Variants in CPEB4 observed in about 807,000 individuals in gnomAD.
CPEB4 encodes cytoplasmic polyadenylation element binding protein 4.
Under a neutral mutation model 72.5 loss-of-function variants are expected in CPEB4, and 12 were observed. That is an observed-to-expected ratio of 0.17 (90% CI 0.11 to 0.27). The LOEUF is 0.27. Ranked by LOEUF, CPEB4 falls within the 10% of genes least tolerant of loss-of-function variation. The probability of loss-of-function intolerance (pLI) is 1.00; values close to 1 mark genes in which losing one functional copy is unlikely to be tolerated. For synonymous variants in CPEB4, 302 were observed against 326.3 expected (o/e 0.93, Z 0.80); for missense variants, 614 against 908.5 (o/e 0.68, Z 4.17).
chr5:173,933,785 C>G (rs1757525261), intron 3 of CPEB4, among the ~76,000 whole-genome samples: 1 of 152,102 alleles, frequency 6.6e-6, no homozygotes, highest in Admixed American at 6.5e-5. Context: ...CTTCTTTGTC[C>G]CAGTTTCCTT....
intron 2 of CPEB4, among the ~76,000 whole-genome samples, chr5:173,917,413 A>G (rs183829337): frequency 6.6e-6 from 1 of 152,334 alleles, no homozygotes; most frequent in African/African-American, 2.4e-5. Context: ...GGGACATTTA[A>G]TGGGGCAGAT....
At chr5:173,896,336 T>G (rs528291455) in intron 1 of CPEB4, among the ~76,000 whole-genome samples, 3 of 152,364 alleles carry the variant, frequency 2.0e-5, no homozygotes, top group South Asian at 4.1e-4. Context: ...TAAAAGTATG[T>G]TTTACCATGA....
intron 2 of CPEB4, among the ~76,000 whole-genome samples, chr5:173,924,138 A>G (rs1757164150): frequency 6.6e-6 from 1 of 152,294 alleles, no homozygotes; most frequent in East Asian, 1.9e-4. Context: ...TCTTACAGAT[A>G]AGTGTTATTT....
chr5:173,932,720 CA>C (rs1054490385), intron 3 of CPEB4, among the ~76,000 whole-genome samples: 3 of 152,124 alleles, frequency 2.0e-5, no homozygotes, highest in Non-Finnish European at 4.4e-5. Context: ...AACTTGGTGA[CA>C]ATGAGAATGA....
At chr5:173,894,575 C>T in intron 1 of CPEB4, among the ~76,000 whole-genome samples, 1 of 143,900 alleles carries the variant, frequency 6.9e-6, no homozygotes, top group Middle Eastern at 3.5e-3. Flanking sequence ...GAGCTGAGAT[C>T]ATGCCACTGC....
At chr5:173,914,821 A>G (rs1013111688) in intron 2 of CPEB4, among the ~76,000 whole-genome samples, 1 of 152,220 alleles carries the variant, frequency 6.6e-6, no homozygotes, top group Non-Finnish European at 1.5e-5. Context: ...TATACCACTC[A>G]GAAAAAAAAA....
chr5:173,946,963 C>T (rs1347046081), intron 5 of CPEB4, among the ~76,000 whole-genome samples: 4 of 151,940 alleles, frequency 2.6e-5, no homozygotes, highest in African/African-American at 9.7e-5. Flanking sequence ...CTTTTTCCCC[C>T]CCAAGATAAG....
intron 1 of CPEB4, among the ~76,000 whole-genome samples, chr5:173,905,818 T>A (rs995413020): frequency 1.3e-5 from 2 of 152,142 alleles, no homozygotes; most frequent in East Asian, 3.9e-4. Flanking sequence ...ACAAGACATG[T>A]TAGGATATCA....
chr5:173,915,820 T>C (rs1756847632), intron 2 of CPEB4, among the ~76,000 whole-genome samples: 1 of 152,256 alleles, frequency 6.6e-6, no homozygotes, highest in Non-Finnish European at 1.5e-5. Context: ...TAAAACCACA[T>C]GCGAGTACAT....
rs936340644 is a variant in CPEB4, at chr5:173,926,476, C to T, written c.1208-5974C>T. 5.3e-5 allele frequency among the ~76,000 whole-genome samples: 8 copies of T among 152,166 alleles called. No homozygotes were observed. The South Asian group carries it at 6.2e-4, about 12-fold the overall frequency. On this transcript the variant is annotated intron_variant, in intron 2 of 9. Transcript: ENST00000265085. ...GCTTAGCATAGAATTGCCTAGTTGACGTATGGATCTTTTCTAGGTTGTAGG... is the reference window on the plus strand; with the variant it reads ...GCTTAGCATAGAATTGCCTAGTTGATGTATGGATCTTTTCTAGGTTGTAGG...
At position 173,949,676 on chromosome 5, in the gene CPEB4, T is replaced by A. The variant is rs1283646529; in HGVS notation, c.1546+79T>A. 1.5e-5 allele frequency: 15 copies of A among 989,182 alleles called. 1 individual carries two copies. Among genetic ancestry groups the A allele is most frequent in the East Asian group, 7.6e-5 (3 of 39,264 alleles). The allele number at this position is 989,182 out of a possible 1,614,324, so 61.3% of individuals were successfully genotyped here. On this transcript the variant is annotated intron_variant, in intron 6 of 9. Transcript: ENST00000265085. ...TGTAGCCTTTTCATAAATGTTCACC[T>A]TCACTGTAAAATGTTGCATTGTTAA...
Position 173,955,907 on chromosome 5 carries a change from C to T in CPEB4, c.1963-3C>T. 1 of 1,605,374 alleles carries T rather than the reference C, an allele frequency of 6.2e-7. No individual in the cohort carries two copies. Among genetic ancestry groups the T allele is most frequent in the East Asian group, 2.2e-5 (1 of 44,726 alleles). On this transcript the variant is annotated splice_polypyrimidine_tract_variant and splice_region_variant and intron_variant, in intron 9 of 9. Transcript: ENST00000265085. The surrounding 1 kb of genome is among the most constrained non-coding windows in gnomAD (Gnocchi z 4.7). ...AAATGTAAACTCTTATTTTTGATTG[C>T]AGGTGGAAGTTAAGCCATATGTCTT...
Position 173,890,401 on chromosome 5 carries a change from C to G in CPEB4, c.668C>G (p.Ser223Cys), listed in dbSNP as rs1190038220. 4 of 1,614,086 alleles carry G rather than the reference C, an allele frequency of 2.5e-6. No individual in the cohort carries two copies. The change falls in exon 1 of 10, where the codon TCT becomes TGT. Residue 223 changes from serine (S) to cysteine (C), a missense_variant. Transcript: ENST00000265085. ...HVSPGFGGSF[S>C]PQIGPLSQHH... Reference sequence around the variant, plus strand: ...AGCCCTGGCTTTGGAGGCAGCTTCTCTCCTCAGATCGGGCCTCTCTCACAG... The same window carrying G: ...AGCCCTGGCTTTGGAGGCAGCTTCTGTCCTCAGATCGGGCCTCTCTCACAG...
chr5:173,918,560 A>G (rs1294434735), intron 2 of CPEB4, among the ~76,000 whole-genome samples: 1 of 152,202 alleles, frequency 6.6e-6, no homozygotes, highest in Non-Finnish European at 1.5e-5. Flanking sequence ...GAATGCCGAC[A>G]TCGTCATAGG....
In CPEB4 at chr5:173,890,584, C is replaced by T; in HGVS notation, c.851C>T (p.Pro284Leu). ...LANNLNKPPS[P>L]WSSYQSPSPT... is the part of the protein sequence containing the mutation. ...AATAATCTTAACAAACCCCCCTCTC[C>T]GTGGAGCAGCTACCAGAGTCCGTCA... Residue 284 changes from proline to leucine, a missense_variant, in exon 1 of 10, where the codon CCG becomes CTG. Coordinates refer to ENST00000265085, the MANE Select transcript of CPEB4 (RefSeq NM_030627.4). The T allele has an allele frequency of 6.2e-7, 1 of 1,614,140 alleles. No individual in the cohort carries two copies. The highest frequency in any genetic ancestry group is 1.1e-5 in the South Asian group (1 of 91,082).
At chr5:173,934,071 A>G (rs1757536628) in intron 3 of CPEB4, among the ~76,000 whole-genome samples, 1 of 152,118 alleles carries the variant, frequency 6.6e-6, no homozygotes, top group Non-Finnish European at 1.5e-5. Context: ...TGTAGTCCCA[A>G]CTACTTGGGA....
At chr5:173,902,363 G>C (rs1045248250) in intron 1 of CPEB4, among the ~76,000 whole-genome samples, 1 of 152,132 alleles carries the variant, frequency 6.6e-6, no homozygotes, top group African/African-American at 2.4e-5. Flanking sequence ...TGAGTCAAGG[G>C]ATAGCTGAAT....
intron 5 of CPEB4, among the ~76,000 whole-genome samples, 175 bp from the exon 6 acceptor site, chr5:173,949,329 GAAGA>G (rs777739163): frequency 5.9e-5 from 9 of 152,160 alleles, no homozygotes; most frequent in Non-Finnish European, 1.3e-4. Flanking sequence ...GAGGAAGAGA[GAAGA>G]AAGAGGGTGA....
chr5:173,955,218 G>A lies in CPEB4; in HGVS notation c.1963-692G>A, dbSNP rs756687259. Among the ~76,000 whole-genome samples the A allele has an allele frequency of 2.6e-5, 4 of 152,194 alleles. No individual in the cohort carries two copies. In the South Asian group the frequency reaches 6.2e-4, roughly 24 times the overall value. ...GAAAGGTTCACATGACAGGTTGGCCGATAGAACGCTGGAACAGGCCCAGTT... is the reference window on the plus strand; with the variant it reads ...GAAAGGTTCACATGACAGGTTGGCCAATAGAACGCTGGAACAGGCCCAGTT... On this transcript the variant is annotated intron_variant, in intron 9 of 9. Transcript: ENST00000265085. This position sits in a 1 kb window ranked among gnomAD's most constrained non-coding sequence, Gnocchi z 4.7.
Sources: gnomAD v4.1 joint callset for allele counts (sites outside exome capture counted in the v4.1 genomes callset) on GRCh38, gnomAD v4.1.1 for gene constraint, Gnocchi (gnomAD v3.1) non-coding constraint, MANE v1.5 for transcripts, NCBI Gene and HGNC (gene_info 2026-07-23, HGNC 2026-07-21) for gene names.